AGBL4: variants seen among roughly 807,000 people sequenced by gnomAD.
The protein encoded by AGBL4 is cytosolic carboxypeptidase 6.
In AGBL4, 58 loss-of-function variants were observed where a neutral mutation model predicts 66.4. The ratio of observed to expected loss-of-function variants is 0.87; its 90% CI spans 0.71 to 1.09. The LOEUF (loss-of-function observed/expected upper bound fraction) is 1.09, where lower values mean the gene tolerates loss of function less well. AGBL4 is among the 50% of genes least tolerant of loss of function. The pLI is 0.00. For missense variants in AGBL4, 579 were observed against 631.0 expected (o/e 0.92, Z 0.88); for synonymous variants, 234 against 222.9 (o/e 1.05, Z -0.44).
chr1:49,878,507 G>A (rs1647100476), intron 1 of AGBL4, among the ~76,000 whole-genome samples: 1 of 152,110 alleles, frequency 6.6e-6, no homozygotes, highest in Non-Finnish European at 1.5e-5. Context: ...TACTTTGATT[G>A]CACTGTGGTC....
chr1:50,019,304 T>TCACACACACACACA (rs796097397), intron 1 of AGBL4, among the ~76,000 whole-genome samples: 14 of 46,886 alleles, frequency 3.0e-4, no homozygotes, highest in Non-Finnish European at 4.1e-4. Context: ...TCTCTCTCTC[T>TCACACACACACACA]CTCACACACA....
chr1:49,199,196 G>C (rs1219547974), intron 4 of AGBL4, among the ~76,000 whole-genome samples: 1 of 152,178 alleles, frequency 6.6e-6, no homozygotes, highest in Non-Finnish European at 1.5e-5. Flanking sequence ...CGGATGCAGA[G>C]AGGTTACACA....
chr1:49,335,703 G>C (rs547940460), intron 3 of AGBL4, among the ~76,000 whole-genome samples: 2 of 152,170 alleles, frequency 1.3e-5, no homozygotes, highest in South Asian at 4.2e-4. Flanking sequence ...TTTTAGTAGA[G>C]ACGGGGTTTC....
At chr1:49,740,514 A>G (rs1650351287) in intron 2 of AGBL4, among the ~76,000 whole-genome samples, 1 of 152,192 alleles carries the variant, frequency 6.6e-6, no homozygotes, top group Non-Finnish European at 1.5e-5. Flanking sequence ...TAACAAGGAT[A>G]TCCAGGAATT....
intron 3 of AGBL4, among the ~76,000 whole-genome samples, chr1:49,518,277 T>C (rs927869910): frequency 6.6e-6 from 1 of 152,034 alleles, no homozygotes; most frequent in Non-Finnish European, 1.5e-5. Context: ...TCCAACACAC[T>C]TTTCAAAAAG....
chr1:49,178,459 T>TG (rs1442059528), intron 4 of AGBL4, among the ~76,000 whole-genome samples: 1 of 152,168 alleles, frequency 6.6e-6, no homozygotes, highest in East Asian at 1.9e-4. Context: ...CATTACCCCT[T>TG]GCACAGAATT....
intron 3 of AGBL4, among the ~76,000 whole-genome samples, chr1:49,638,231 C>T (rs2124392141): frequency 6.6e-6 from 1 of 152,242 alleles, no homozygotes; most frequent in East Asian, 1.9e-4. Flanking sequence ...GATGCTGATA[C>T]TGAATTTGTC....
intron 7 of AGBL4, among the ~76,000 whole-genome samples, chr1:48,654,403 C>T (rs1178821149): frequency 1.3e-5 from 2 of 152,174 alleles, no homozygotes; most frequent in Non-Finnish European, 2.9e-5. Context: ...CAACTCTGAG[C>T]CATTGTCCCT....
intron 3 of AGBL4, among the ~76,000 whole-genome samples, chr1:49,660,180 G>A (rs1571276114): frequency 1.3e-5 from 2 of 152,052 alleles, no homozygotes; most frequent in East Asian, 3.9e-4. Flanking sequence ...TACAAAGTAG[G>A]AGAAAATTTT....
At chr1:49,030,260 A>G (rs1664095467) in intron 5 of AGBL4, among the ~76,000 whole-genome samples, 1 of 152,104 alleles carries the variant, frequency 6.6e-6, no homozygotes, top group Non-Finnish European at 1.5e-5. Flanking sequence ...TAATGCTCTT[A>G]TGAAAACACA....
At chr1:49,593,278 G>A (rs1361101815) in intron 3 of AGBL4, among the ~76,000 whole-genome samples, 1 of 152,032 alleles carries the variant, frequency 6.6e-6, no homozygotes, top group Non-Finnish European at 1.5e-5. Flanking sequence ...GTGGTGGCAG[G>A]CGCCTGTAGT....
chr1:48,811,031 C>T (rs536321604), intron 6 of AGBL4, among the ~76,000 whole-genome samples: 18 of 152,250 alleles, frequency 1.2e-4, no homozygotes, highest in African/African-American at 4.3e-4. Context: ...CTTTTTCCCC[C>T]ATCCCTGGTT....
intron 3 of AGBL4, among the ~76,000 whole-genome samples, chr1:49,435,841 T>C (rs1645891278): frequency 6.6e-6 from 1 of 152,212 alleles, no homozygotes; most frequent in Non-Finnish European, 1.5e-5. Flanking sequence ...ATTAATTAAG[T>C]TCCCCCAATT....
intron 5 of AGBL4, among the ~76,000 whole-genome samples, chr1:48,945,480 T>A (rs552425252): frequency 6.6e-6 from 1 of 152,264 alleles, no homozygotes; most frequent in Non-Finnish European, 1.5e-5. Context: ...GCAGACCCCT[T>A]CATTAGACCT....
intron 3 of AGBL4, among the ~76,000 whole-genome samples, chr1:49,551,428 T>C (rs960338645): frequency 2.0e-5 from 3 of 152,218 alleles, no homozygotes; most frequent in South Asian, 2.1e-4. Flanking sequence ...GGGTAGACTC[T>C]GTCAGAGGGA....
chr1:48,970,512 A>C (rs1391214755), intron 5 of AGBL4, among the ~76,000 whole-genome samples: 4 of 152,214 alleles, frequency 2.6e-5, no homozygotes. Flanking sequence ...CTCCATTTTC[A>C]TTAAGTTTTC....
chr1:49,780,029 C>T (rs1317611518), intron 2 of AGBL4, among the ~76,000 whole-genome samples: 1 of 152,002 alleles, frequency 6.6e-6, no homozygotes, highest in Non-Finnish European at 1.5e-5. Context: ...TTGCCTCTTT[C>T]AAAAATCCAG....
chr1:49,931,718 T>G (rs577905125), intron 1 of AGBL4, among the ~76,000 whole-genome samples: 1 of 152,224 alleles, frequency 6.6e-6, no homozygotes, highest in Non-Finnish European at 1.5e-5. Context: ...TTAATAAAAT[T>G]CTAATTAAAA....
At chr1:48,911,048 G>A (rs17367692) in intron 5 of AGBL4, among the ~76,000 whole-genome samples, 5,757 of 152,216 alleles carry the variant, frequency 0.038, 148 homozygotes, top group Non-Finnish European at 0.06. Flanking sequence ...TCAGTTTTGT[G>A]TGACCCTTTA....
Sources: allele counts gnomAD v4.1 joint callset (sites outside exome capture counted in the v4.1 genomes callset), GRCh38; gene constraint gnomAD v4.1.1; transcripts MANE v1.5; gene names NCBI Gene and HGNC (gene_info 2026-07-23, HGNC 2026-07-21).